FAM227B: variants seen among roughly 807,000 people sequenced by gnomAD.
FAM227B encodes the protein family with sequence similarity 227 member B.
Under a neutral mutation model 73.8 loss-of-function variants are expected in FAM227B, and 88 were observed. The ratio of observed to expected loss-of-function variants is 1.19; its 90% confidence interval spans 1.00 to 1.42. The LOEUF is 1.42. FAM227B is among the 40% of genes most tolerant of loss of function. The probability of loss-of-function intolerance (pLI) is 0.00; values close to 1 mark genes in which losing one functional copy is unlikely to be tolerated. For missense variants in FAM227B, 632 were observed against 590.9 expected (o/e 1.07, Z -0.72); for synonymous variants, 210 against 190.5 (o/e 1.10, Z -0.84).
intron 3 of FAM227B, among the ~76,000 whole-genome samples, chr15:49,595,767 T>A (rs995197657): frequency 2.7e-5 from 4 of 148,828 alleles, no homozygotes; most frequent in Admixed American, 2.0e-4. Flanking sequence ...ATATCATAAA[T>A]AAAAATCACA....
At chr15:49,378,711 AG>A in intron 11 of FAM227B, among the ~76,000 whole-genome samples, 1 of 152,170 alleles carries the variant, frequency 6.6e-6, no homozygotes, top group Non-Finnish European at 1.5e-5. Context: ...TGGAGTCTTT[AG>A]GTTTTTCCAA....
Position 49,371,376 on chromosome 15 carries a change from T to A in FAM227B, c.1036A>T (p.Ile346Phe), listed in dbSNP as rs2045792797. The change falls in exon 12 of 16, where the codon ATT (isoleucine) becomes TTT (phenylalanine). Residue 346 changes from isoleucine (I) to phenylalanine (F), a missense_variant. Transcript: ENST00000299338. ...STSIDFNIIK[I>F]LNNPRAYTLP... ...GTATATGCTCTTGGGTTGTTCAGAA[T>A]CTTTATAATATTGAAGTCGATACCT... 5 of 1,580,552 alleles carry A rather than the reference T, an allele frequency of 3.2e-6. No individual in the cohort carries two copies. Among genetic ancestry groups the A allele is most frequent in the Non-Finnish European group, 4.3e-6 (5 of 1,159,786 alleles).
At chr15:49,526,212 A>G (rs1457787365) in intron 10 of FAM227B, among the ~76,000 whole-genome samples, 2 of 152,178 alleles carry the variant, frequency 1.3e-5, no homozygotes, top group South Asian at 2.1e-4. Flanking sequence ...TTATCAGACC[A>G]CAGTGGAATA....
At chr15:49,387,932 A>G (rs2046980732) in intron 11 of FAM227B, among the ~76,000 whole-genome samples, 1 of 151,854 alleles carries the variant, frequency 6.6e-6, no homozygotes, top group Non-Finnish European at 1.5e-5. Context: ...TATGGAGGTG[A>G]AAGATCTCTA....
intron 11 of FAM227B, among the ~76,000 whole-genome samples, chr15:49,435,038 C>T (rs2050970798): frequency 6.6e-6 from 1 of 151,032 alleles, no homozygotes; most frequent in South Asian, 2.1e-4. Flanking sequence ...TACATTCATA[C>T]AAAACAGTAA....
intron 13 of FAM227B, among the ~76,000 whole-genome samples, chr15:49,343,421 T>C (rs2041032447): frequency 6.6e-6 from 1 of 152,134 alleles, no homozygotes; most frequent in Non-Finnish European, 1.5e-5. Context: ...TTTCCTGAAT[T>C]GATTTAGGAG....
At chr15:49,394,539 A>G (rs536376595) in intron 11 of FAM227B, among the ~76,000 whole-genome samples, 2 of 152,190 alleles carry the variant, frequency 1.3e-5, no homozygotes, top group East Asian at 1.9e-4. Context: ...TTTGAGTTAT[A>G]TAATTATGAA....
chr15:49,583,715 C>T (rs764362603), intron 5 of FAM227B, among the ~76,000 whole-genome samples: 26 of 150,654 alleles, frequency 1.7e-4, no homozygotes, highest in Non-Finnish European at 2.8e-4. Context: ...ATACAACCAT[C>T]GGAGAATACT....
chr15:49,465,082 C>T (rs896002517), intron 11 of FAM227B, among the ~76,000 whole-genome samples: 18 of 151,974 alleles, frequency 1.2e-4, no homozygotes, highest in African/African-American at 3.9e-4. Flanking sequence ...AGAACAGAGG[C>T]TTGGATAACT....
Position 49,445,160 on chromosome 15 carries a change from G to A in FAM227B, c.1012+63051C>T, listed in dbSNP as rs1485469262. ...TTTAGATTCAGGGAGTACATGTGTAGGTTTGTTACTTGGGTATATTGTGTG... is the reference window on the plus strand; with the variant it reads ...TTTAGATTCAGGGAGTACATGTGTAAGTTTGTTACTTGGGTATATTGTGTG... On this transcript the variant is annotated intron_variant, in intron 11 of 15. Coordinates refer to ENST00000299338, the MANE Select transcript of FAM227B (RefSeq NM_152647.3). 2.0e-5 allele frequency among the ~76,000 whole-genome samples: 3 copies of A among 151,530 alleles called. No homozygotes were observed. In the East Asian group the frequency reaches 5.8e-4, roughly 29 times the overall value.
chr15:49,427,135 T>C (rs1567254641), intron 11 of FAM227B, among the ~76,000 whole-genome samples: 1 of 152,062 alleles, frequency 6.6e-6, no homozygotes, highest in Non-Finnish European at 1.5e-5. Flanking sequence ...CTTACTATAA[T>C]AATTTTAAGA....
intron 11 of FAM227B, among the ~76,000 whole-genome samples, chr15:49,390,445 T>C (rs1769472910): frequency 6.6e-6 from 1 of 152,108 alleles, no homozygotes; most frequent in Admixed American, 6.6e-5. Flanking sequence ...GTATAAGGAA[T>C]AGGTGTACTT....
At chr15:49,403,947 T>C (rs2048346820) in intron 11 of FAM227B, among the ~76,000 whole-genome samples, 1 of 152,212 alleles carries the variant, frequency 6.6e-6, no homozygotes, top group Non-Finnish European at 1.5e-5. Context: ...CCAGAGATTC[T>C]GGTATGTTGC....
intron 12 of FAM227B, among the ~76,000 whole-genome samples, chr15:49,368,293 T>C (rs1011973678): frequency 2.6e-5 from 4 of 152,154 alleles, no homozygotes; most frequent in African/African-American, 9.7e-5. Flanking sequence ...GTATAGCAAC[T>C]ACTAATATTT....
At chr15:49,483,888 T>C (rs899804754) in intron 11 of FAM227B, among the ~76,000 whole-genome samples, 7 of 152,020 alleles carry the variant, frequency 4.6e-5, no homozygotes, top group African/African-American at 1.7e-4. Flanking sequence ...GAAGACAATG[T>C]AGAAGTAAAT....
chr15:49,379,132 C>T (rs2046358712), intron 11 of FAM227B, among the ~76,000 whole-genome samples: 1 of 152,104 alleles, frequency 6.6e-6, no homozygotes, highest in Admixed American at 6.5e-5. Flanking sequence ...TCCCTGCATC[C>T]CTGGAATAAA....
At chr15:49,410,115 G>A (rs1053070625) in intron 11 of FAM227B, among the ~76,000 whole-genome samples, 7 of 151,936 alleles carry the variant, frequency 4.6e-5, no homozygotes, top group East Asian at 3.9e-4. Context: ...CTCTCACTTC[G>A]GATCTTCTAA....
chr15:49,348,856 T>C (rs2041884628), intron 13 of FAM227B, among the ~76,000 whole-genome samples: 1 of 152,238 alleles, frequency 6.6e-6, no homozygotes, highest in South Asian at 2.1e-4. Context: ...AAAATGAAGT[T>C]TTCTTCTCTT....
chr15:49,432,348 A>G (rs534992496), intron 11 of FAM227B, among the ~76,000 whole-genome samples: 2 of 151,786 alleles, frequency 1.3e-5, no homozygotes, highest in South Asian at 4.1e-4. Flanking sequence ...TCTCTAACTA[A>G]CCTGCTGAGA....
Sources: allele counts gnomAD v4.1 joint callset (sites outside exome capture counted in the v4.1 genomes callset), GRCh38; gene constraint gnomAD v4.1.1; transcripts MANE v1.5; gene names NCBI Gene and HGNC (gene_info 2026-07-23, HGNC 2026-07-21).